MTSS1: variants seen among roughly 807,000 people sequenced by gnomAD.
MTSS1 encodes MTSS I-BAR domain containing 1.
In MTSS1, 18 loss-of-function variants were observed where a neutral mutation model predicts 79.0. The observed-to-expected ratio is 0.23, with a 90% confidence interval of 0.16 to 0.34. MTSS1 has a LOEUF of 0.34. MTSS1 is among the 10% of genes least tolerant of loss of function. The pLI is 1.00. For missense variants in MTSS1, 815 were observed against 986.2 expected (o/e 0.83, Z 2.33); for synonymous variants, 341 against 368.6 (o/e 0.93, Z 0.86).
At position 124,555,914 on chromosome 8, in the gene MTSS1, G is replaced by A; in HGVS notation, c.1405-10C>T. 6.2e-7 allele frequency: 1 copy of A among 1,601,686 alleles called. No homozygotes were observed. Among genetic ancestry groups the A allele is most frequent in the Non-Finnish European group, 8.5e-7 (1 of 1,178,732 alleles). On this transcript the variant is annotated splice_polypyrimidine_tract_variant and intron_variant, in intron 12 of 13. Transcript: ENST00000518547. ...CCATCTCCTCACCAGGCTGCAGGTT[G>A]GAGGAGAGAAATACACAGGTTGCTT...
At chr8:124,620,240 C>T (rs113790971) in intron 3 of MTSS1, among the ~76,000 whole-genome samples, 107 of 152,198 alleles carry the variant, frequency 7.0e-4, no homozygotes, top group African/African-American at 2.2e-3. Context: ...GCCACTGCGC[C>T]CAGCCAGCAC....
intron 3 of MTSS1, among the ~76,000 whole-genome samples, chr8:124,670,718 A>G (rs772789416): frequency 3.9e-5 from 6 of 152,276 alleles, no homozygotes; most frequent in Non-Finnish European, 8.8e-5. Context: ...TCAGAGGTTA[A>G]GGACAAGCAA....
At chr8:124,580,471 G>C in intron 6 of MTSS1, 1 of 1,466,806 alleles carries the variant, frequency 6.8e-7, no homozygotes, top group South Asian at 1.2e-5. Flanking sequence ...GCAGCTAGCA[G>C]AGGTCTGGAC....
At chr8:124,695,246 C>A (rs75946102) in intron 3 of MTSS1, among the ~76,000 whole-genome samples, 2 of 152,072 alleles carry the variant, frequency 1.3e-5, no homozygotes, top group South Asian at 2.1e-4. Flanking sequence ...ACCAGAGCGA[C>A]CTGCTAGCTT....
At chr8:124,719,841 C>T (rs916284674) in intron 1 of MTSS1, among the ~76,000 whole-genome samples, 2 of 152,136 alleles carry the variant, frequency 1.3e-5, no homozygotes, top group East Asian at 1.9e-4. Context: ...GCTAAGCCCT[C>T]GACTTTTACT....
chr8:124,716,060 T>A (rs554744617), intron 1 of MTSS1, among the ~76,000 whole-genome samples: 15 of 152,298 alleles, frequency 9.8e-5, no homozygotes, highest in Non-Finnish European at 1.9e-4. Context: ...GCACCTACTA[T>A]GCGCAGGCAC....
At chr8:124,580,590 T>G in intron 6 of MTSS1, 1 of 1,535,514 alleles carries the variant, frequency 6.5e-7, no homozygotes. Context: ...GGTGAGAAAG[T>G]GCAGGATACA....
At chr8:124,695,879 T>TTTTC (rs1828730601) in intron 3 of MTSS1, among the ~76,000 whole-genome samples, 1 of 151,492 alleles carries the variant, frequency 6.6e-6, no homozygotes, top group South Asian at 2.1e-4. Flanking sequence ...TTTTTTTTTT[T>TTTTC]CCTCCCAGCA....
At chr8:124,561,587 G>T (rs1466457074) in intron 10 of MTSS1, among the ~76,000 whole-genome samples, 1 of 151,562 alleles carries the variant, frequency 6.6e-6, no homozygotes, top group South Asian at 2.1e-4. Flanking sequence ...GGAAGGGAAG[G>T]CTGCAGCACG....
At position 124,597,456 on chromosome 8, in the gene MTSS1, T is replaced by G. The variant is rs982313476; in HGVS notation, c.209-6221A>C. On this transcript the variant is annotated intron_variant, in intron 3 of 13. Coordinates refer to ENST00000518547, the MANE Select transcript of MTSS1 (RefSeq NM_014751.6). This position sits in a 1 kb window ranked among gnomAD's most constrained non-coding sequence, Gnocchi z 4.6. ...CATATTTGGGGGGGTAGGGAGGAAATAAGAAAAGCAAAGTTTCCTTGCCCC... is the reference window on the plus strand; with the variant it reads ...CATATTTGGGGGGGTAGGGAGGAAAGAAGAAAAGCAAAGTTTCCTTGCCCC... 6.6e-6 allele frequency among the ~76,000 whole-genome samples: 1 copy of G among 152,094 alleles called. No individual in the cohort carries two copies. The highest frequency in any genetic ancestry group is 1.9e-4 in the East Asian group (1 of 5,184).
chr8:124,627,398 G>A (rs1196449861), intron 3 of MTSS1, among the ~76,000 whole-genome samples: 2 of 152,190 alleles, frequency 1.3e-5, no homozygotes, highest in East Asian at 3.8e-4. Context: ...CCTCAAGGCA[G>A]GCATCTATCC....
rs184394955 is a variant in MTSS1 at position 124,676,657 on chromosome 8, A to T, written c.208+22869T>A. 2.0e-5 allele frequency among the ~76,000 whole-genome samples: 3 copies of T among 152,220 alleles called. No individual in the cohort carries two copies. In the East Asian group the frequency reaches 5.8e-4, roughly 29 times the overall value. The stretch of plus-strand genomic sequence containing the variant: ...CTTCTCAGCAAAACAAAGAGTCTCA[A>T]CTCCCTCTAGGTGTTAAGAATCTTC... On this transcript the variant is annotated intron_variant, in intron 3 of 13. Transcript: ENST00000518547.
rs140249436 is a variant in MTSS1 at position 124,684,726 on chromosome 8, T to G, written c.208+14800A>C. Among the ~76,000 whole-genome samples the G allele has an allele frequency of 3.7e-4, 57 of 152,336 alleles. No homozygotes were observed. In the East Asian group the frequency reaches 8.3e-3, roughly 22 times the overall value. ...AGTGGGGGCAGATAAGCTACAAAGT[T>G]AGGTTTGGTTTAAGAGGTATGTCTA... On this transcript the variant is annotated intron_variant, in intron 3 of 13. Transcript: ENST00000518547.
At chr8:124,647,624 A>G (rs191948853) in intron 3 of MTSS1, among the ~76,000 whole-genome samples, 13 of 152,328 alleles carry the variant, frequency 8.5e-5, no homozygotes, top group Admixed American at 8.5e-4. Flanking sequence ...GATGTGTGGC[A>G]TGTTGAAATA....
At chr8:124,701,124 C>A (rs2135429058) in intron 2 of MTSS1, among the ~76,000 whole-genome samples, 1 of 152,258 alleles carries the variant, frequency 6.6e-6, no homozygotes, top group African/African-American at 2.4e-5. Context: ...GTAGTCCCAG[C>A]TACTCAGGAG....
chr8:124,593,784 C>T (rs963417135), intron 3 of MTSS1, among the ~76,000 whole-genome samples: 2 of 152,216 alleles, frequency 1.3e-5, no homozygotes, highest in African/African-American at 4.8e-5. Flanking sequence ...AAGTGGAACT[C>T]AAACCTAGGC....
At chr8:124,611,591 C>T (rs544094264) in intron 3 of MTSS1, among the ~76,000 whole-genome samples, 1 of 152,114 alleles carries the variant, frequency 6.6e-6, no homozygotes, top group Non-Finnish European at 1.5e-5. Flanking sequence ...CCACCCACCT[C>T]AACACTTTAC....
chr8:124,727,753 G>A lies in MTSS1; in HGVS notation c.72+131C>T. On this transcript the variant is annotated intron_variant, in intron 1 of 13. Transcript: ENST00000518547. The surrounding 1 kb of genome is among the most constrained non-coding windows in gnomAD (Gnocchi z 4.7). ...GGGTGAGCAGGTGACACTCCGGCCG[G>A]GAGCTCCCGCAGGTGGCCGGTGGCC... 3 of 767,470 alleles carry A rather than the reference G, an allele frequency of 3.9e-6. No individual in the cohort carries two copies. In the East Asian group the frequency reaches 9.3e-5, roughly 24 times the overall value. The allele number at this position is 767,470 out of a possible 1,614,324, so 47.5% of individuals were successfully genotyped here. A position where few individuals can be genotyped will look rare whatever the true frequency, so the allele number is the denominator to read the frequency against.
intron 3 of MTSS1, among the ~76,000 whole-genome samples, chr8:124,602,433 C>T (rs1157353760): frequency 6.6e-6 from 1 of 151,900 alleles, no homozygotes; most frequent in Non-Finnish European, 1.5e-5. Flanking sequence ...CTCCTGGCCT[C>T]AAGTGATTCC....
Sources: gnomAD v4.1 joint callset for allele counts (sites outside exome capture counted in the v4.1 genomes callset) on GRCh38, gnomAD v4.1.1 for gene constraint, Gnocchi (gnomAD v3.1) non-coding constraint, MANE v1.5 for transcripts, NCBI Gene and HGNC (gene_info 2026-07-23, HGNC 2026-07-21) for gene names.